Variants in PMM2 observed in about 807,000 individuals in gnomAD.
The protein encoded by PMM2 is mannose-6-phosphate isomerase.
PMM2 carries 35 observed loss-of-function variants against 33.2 expected under a neutral mutation model. That is an observed-to-expected ratio of 1.06 (90% CI 0.81 to 1.40). The LOEUF (loss-of-function observed/expected upper bound fraction) is 1.40. Ranked by LOEUF, PMM2 falls within the 40% of genes most tolerant of loss-of-function variation. PMM2 has a pLI of 0.00. For synonymous variants in PMM2, 153 were observed against 114.7 expected, an observed-to-expected ratio of 1.33 and a Z score of -2.13; for missense variants, 386 against 306.0, an observed-to-expected ratio of 1.26 and a Z score of -1.95.
intron 1 of PMM2, among the ~76,000 whole-genome samples, chr16:8,799,774 T>A (rs1037181846): frequency 1.3e-5 from 2 of 152,020 alleles, no homozygotes; most frequent in Admixed American, 1.3e-4. Flanking sequence ...TCTCTATCTC[T>A]GGACCTCGTG....
At chr16:8,846,599 A>C (rs80009102) in intron 7 of PMM2, among the ~76,000 whole-genome samples, 22,337 of 152,122 alleles carry the variant, frequency 0.15, 1,707 homozygotes, top group East Asian at 0.24. Context: ...ACCCCAGCAG[A>C]ACATGCCCAG....
chr16:8,808,993 T>C (rs995735047), intron 4 of PMM2: 14 of 152,274 alleles, frequency 9.2e-5, no homozygotes, highest in African/African-American at 2.7e-4. Context: ...TTTACTTTAA[T>C]GAGTATTCAT....
At chr16:8,809,836 G>C (rs1298256937) in intron 4 of PMM2, 1 of 151,756 alleles carries the variant, frequency 6.6e-6, no homozygotes, top group Non-Finnish European at 1.5e-5. Context: ...TTTGAGACGG[G>C]GTCTCCCTCT....
intron 7 of PMM2, among the ~76,000 whole-genome samples, chr16:8,843,540 G>A (rs149434173): frequency 1.3e-5 from 2 of 152,054 alleles, no homozygotes; most frequent in African/African-American, 4.8e-5. Context: ...TCTGGCACGT[G>A]TAGCAAGCTC....
intron 7 of PMM2, among the ~76,000 whole-genome samples, chr16:8,839,076 T>C (rs12919345): frequency 0.015 from 2,352 of 152,048 alleles, 41 homozygotes; most frequent in Non-Finnish European, 0.019. Flanking sequence ...TTGAAATGCC[T>C]GCTATTCCAG....
At chr16:8,801,449 T>A (rs2060615802) in intron 1 of PMM2, among the ~76,000 whole-genome samples, 1 of 152,152 alleles carries the variant, frequency 6.6e-6, no homozygotes, top group Non-Finnish European at 1.5e-5. Flanking sequence ...GGCTGGTGGA[T>A]CTCCTGAACC....
At chr16:8,828,338 C>CA (rs910511341) in intron 7 of PMM2, among the ~76,000 whole-genome samples, 3 of 151,554 alleles carry the variant, frequency 2.0e-5, no homozygotes, top group Non-Finnish European at 2.9e-5. Context: ...AAATGGCACA[C>CA]AAAAAAAACT....
rs538739279 is a variant in PMM2 at position 8,805,310 on chromosome 16, C to T, written c.255+467C>T. On this transcript the variant is annotated intron_variant, in intron 3 of 7. Transcript: ENST00000268261. ...CTCTAACCCCTGACCTCAAGTGATCCGCCCACCTCAGCCTCCCAGAGTGCT... is the reference window on the plus strand; with the variant it reads ...CTCTAACCCCTGACCTCAAGTGATCTGCCCACCTCAGCCTCCCAGAGTGCT... Among the ~76,000 whole-genome samples, 8 of 152,268 alleles carry T rather than the reference C, an allele frequency of 5.3e-5. No individual in the cohort carries two copies. In the South Asian group the frequency reaches 1.0e-3, roughly 20 times the overall value.
intron 7 of PMM2, among the ~76,000 whole-genome samples, chr16:8,826,899 A>C (rs2060771556): frequency 6.6e-6 from 1 of 152,124 alleles, no homozygotes; most frequent in African/African-American, 2.4e-5. Flanking sequence ...TTCGTGAATA[A>C]TCAGTCGTTC....
intron 7 of PMM2, among the ~76,000 whole-genome samples, chr16:8,835,986 C>G (rs889685319): frequency 7.0e-6 from 1 of 142,020 alleles, no homozygotes; most frequent in Admixed American, 7.1e-5. Flanking sequence ...TAAAGTGTCT[C>G]GGCCTAATAA....
intron 7 of PMM2, among the ~76,000 whole-genome samples, chr16:8,845,241 G>A (rs1186637177): frequency 1.3e-5 from 2 of 152,202 alleles, no homozygotes; most frequent in South Asian, 2.1e-4. Flanking sequence ...ATCCTCAAGA[G>A]TGGGGAGAAT....
At chr16:8,838,228 C>A (rs1002856693) in intron 7 of PMM2, among the ~76,000 whole-genome samples, 1 of 151,960 alleles carries the variant, frequency 6.6e-6, no homozygotes, top group Admixed American at 6.6e-5. Context: ...GGGGAGATTA[C>A]AAAGTACATT....
In PMM2 at chr16:8,811,651, G is replaced by C. The variant is rs1170021392; in HGVS notation, c.461G>C (p.Arg154Thr). The change falls in exon 6 of 8, where the codon AGA becomes ACA. Residue 154 changes from arginine (R) to threonine (T), a missense_variant. Physicochemically the swap from Arg to Thr is moderately conservative, Grantham distance 71. Transcript: ENST00000268261. ...TGTTTTTCTCAGAAAGAAAATATAA[G>C]ACAAAAGTTTGTAGCAGATCTACGG... ...FYELDKKENIRQKFVADLRKE... is the reference protein window; with the variant it reads ...FYELDKKENITQKFVADLRKE... The C allele has an allele frequency of 6.2e-7, 1 of 1,611,844 alleles. No individual in the cohort carries two copies. Among genetic ancestry groups the C allele is most frequent in the East Asian group, 2.2e-5 (1 of 44,862 alleles).
At chr16:8,824,816 T>C (rs1286128274) in intron 7 of PMM2, among the ~76,000 whole-genome samples, 1 of 152,212 alleles carries the variant, frequency 6.6e-6, no homozygotes, top group Non-Finnish European at 1.5e-5. Context: ...ACCTTTACTC[T>C]GATAGAGAGA....
chr16:8,839,345 TGAG>T (rs2060873915), intron 7 of PMM2, among the ~76,000 whole-genome samples: 2 of 151,996 alleles, frequency 1.3e-5, no homozygotes, highest in African/African-American at 2.4e-5. Context: ...AGTAAAAAGA[TGAG>T]GAGTGCTGCA....
chr16:8,833,247 T>C (rs4614726), intron 7 of PMM2, among the ~76,000 whole-genome samples: 58,734 of 151,990 alleles, frequency 0.39, 11,922 homozygotes, highest in Non-Finnish European at 0.45. Flanking sequence ...CAAAGTACAT[T>C]CTCAAGAGTG....
intron 1 of PMM2, 128 bp from the exon 2 acceptor site, chr16:8,801,671 A>C (rs1041700065): frequency 7.2e-6 from 4 of 556,638 alleles, no homozygotes; most frequent in African/African-American, 5.8e-5. Flanking sequence ...ACCCTATCTC[A>C]AAAAAAAATT....
At chr16:8,826,400 G>A (rs980108160) in intron 7 of PMM2, among the ~76,000 whole-genome samples, 1 of 152,108 alleles carries the variant, frequency 6.6e-6, no homozygotes, top group Non-Finnish European at 1.5e-5. Context: ...ACTCTCTCTG[G>A]CCTAGCTAGG....
In PMM2 at chr16:8,804,021, G is replaced by GT. The variant is rs113764347; in HGVS notation, c.179-746_179-745insT. 2.8e-3 allele frequency among the ~76,000 whole-genome samples: 200 copies of GT among 72,604 alleles called. 2 individuals carry two copies. The highest frequency in any genetic ancestry group is 8.8e-3 in the African/African-American group (180 of 20,564). 47.6% of individuals were successfully genotyped at this position (72,604 alleles called of 152,430 possible). On this transcript the variant is annotated intron_variant, in intron 2 of 7. Transcript: ENST00000268261. ...TTAGTGCTTTGTTTTTTGTTTTTTG[G>GT]GTTTTTTTTGTTTTTTTTTTTTTTT...
Sources: allele counts gnomAD v4.1 joint callset (sites outside exome capture counted in the v4.1 genomes callset), GRCh38; gene constraint gnomAD v4.1.1; transcripts MANE v1.5; gene names NCBI Gene and HGNC (gene_info 2026-07-23, HGNC 2026-07-21).